Variants in LRTM1 observed in about 807,000 individuals in gnomAD.
LRTM1 encodes leucine rich repeat transmembrane protein 1.
In LRTM1, 38 loss-of-function variants were observed where a neutral mutation model predicts 32.4. The observed-to-expected ratio is 1.17, with a 90% CI of 0.91 to 1.54. LRTM1 has a LOEUF of 1.54. Among genes scored for constraint, LRTM1 ranks in the 40% most tolerant of loss-of-function variants. The pLI is 0.00. For synonymous variants in LRTM1, 186 were observed against 169.9 expected (o/e 1.09, Z -0.74); for missense variants, 466 against 415.4 (o/e 1.12, Z -1.06).
rs144214628 is a variant in LRTM1, at chr3:54,924,903, T to C, written c.320A>G (p.Gln107Arg). 26 of 1,613,488 alleles carry C rather than the reference T, an allele frequency of 1.6e-5. No homozygotes were observed. The African/African-American group carries it at 3.3e-4, about 21-fold the overall frequency. ...GCTTTCCAGGGAAAGGAGTGAATTC[T>C]GGGTTAGATTTAAAACCTGCAAGTG... Reference protein sequence around the residue: ...LQHLQVLNLTQNSLLSLESRL... With the variant: ...LQHLQVLNLTRNSLLSLESRL... Residue 107 changes from glutamine to arginine, a missense_variant, in exon 2 of 3, where the codon CAG (glutamine) becomes CGG (arginine). Transcript: ENST00000273286.
intron 1 of LRTM1, among the ~76,000 whole-genome samples, chr3:54,944,510 T>A (rs1701559772): frequency 1.3e-5 from 2 of 152,070 alleles, no homozygotes; most frequent in Admixed American, 1.3e-4. Flanking sequence ...AAGCTCTGCC[T>A]CCCGGGTTCA....
intron 1 of LRTM1, among the ~76,000 whole-genome samples, chr3:54,965,222 A>G (rs1209975240): frequency 2.1e-5 from 3 of 142,180 alleles, no homozygotes; most frequent in Non-Finnish European, 4.7e-5. Flanking sequence ...GGATTTCACC[A>G]TTGGACCAAT....
At chr3:54,958,629 CA>C (rs1385633735) in intron 1 of LRTM1, among the ~76,000 whole-genome samples, 1 of 152,100 alleles carries the variant, frequency 6.6e-6, no homozygotes, top group Non-Finnish European at 1.5e-5. Flanking sequence ...GAACTAATAG[CA>C]AAGTCATGAA....
chr3:54,964,874 A>G (rs1269439489), intron 1 of LRTM1, among the ~76,000 whole-genome samples: 1 of 152,022 alleles, frequency 6.6e-6, no homozygotes, highest in Non-Finnish European at 1.5e-5. Flanking sequence ...CGCTCAAGAA[A>G]TAATGAGCTC....
At chr3:54,934,087 T>C (rs1701271539) in intron 1 of LRTM1, among the ~76,000 whole-genome samples, 1 of 152,206 alleles carries the variant, frequency 6.6e-6, no homozygotes, top group Non-Finnish European at 1.5e-5. Flanking sequence ...TTACTATTAC[T>C]TTTGATACAA....
At chr3:54,938,788 A>G (rs905058537) in intron 1 of LRTM1, among the ~76,000 whole-genome samples, 1 of 152,206 alleles carries the variant, frequency 6.6e-6, no homozygotes, top group Non-Finnish European at 1.5e-5. Flanking sequence ...TGGTCTGTGC[A>G]TTTGCACAGG....
At chr3:54,923,168 C>T (rs1337813457) in intron 2 of LRTM1, among the ~76,000 whole-genome samples, 1 of 152,162 alleles carries the variant, frequency 6.6e-6, no homozygotes, top group Non-Finnish European at 1.5e-5. Context: ...GACTAAAACT[C>T]TTCAAGAGCT....
intron 1 of LRTM1, among the ~76,000 whole-genome samples, chr3:54,960,686 C>T (rs1302479720): frequency 6.6e-6 from 1 of 152,210 alleles, no homozygotes; most frequent in Non-Finnish European, 1.5e-5. Context: ...GTGCAGCTGC[C>T]TTCCCTTCCT....
chr3:54,918,556 G>A lies in LRTM1; in HGVS notation c.941C>T (p.Ala314Val), dbSNP rs200474589. Residue 314 changes from alanine (A) to valine (V), a missense_variant, in exon 3 of 3, where the codon GCG (alanine) becomes GTG (valine). By Grantham distance (64) the Ala-to-Val change is moderately conservative (BLOSUM62 0). Transcript: ENST00000273286. The stretch of plus-strand genomic sequence containing the variant: ...CCCATGGTACTGGGCTGTGATTGCC[G>A]CATAGGTGCAGCCATAGATGGCAGC... ...LAAAIYGCTY[A>V]AITAQYHGGP... The A allele has an allele frequency of 2.4e-5, 38 of 1,613,814 alleles. No homozygotes were observed. The highest frequency in any genetic ancestry group is 1.0e-4 in the Admixed American group (6 of 59,982).
intron 1 of LRTM1, among the ~76,000 whole-genome samples, chr3:54,953,934 C>A (rs1210241893): frequency 6.6e-6 from 1 of 152,156 alleles, no homozygotes; most frequent in Non-Finnish European, 1.5e-5. Flanking sequence ...TGTTTATGTT[C>A]TTGTGTCATG....
chr3:54,918,998 T>C (rs1180143331), intron 2 of LRTM1, 106 bp from the exon 3 acceptor site: 3 of 583,272 alleles, frequency 5.1e-6, no homozygotes, highest in Non-Finnish European at 6.6e-6. Flanking sequence ...GAAGTACCTT[T>C]TTTTTTTTTA....
upstream of LRTM1, among the ~76,000 whole-genome samples, chr3:54,930,894 C>T (rs1320454947): frequency 1.3e-5 from 2 of 152,048 alleles, no homozygotes; most frequent in Non-Finnish European, 2.9e-5. Context: ...GACAGGAGTT[C>T]GAGACCAGCC....
At chr3:54,923,362 G>A (rs1001359832) in intron 2 of LRTM1, among the ~76,000 whole-genome samples, 12 of 151,820 alleles carry the variant, frequency 7.9e-5, no homozygotes, top group Admixed American at 6.6e-4. Flanking sequence ...AGCCCTTTGC[G>A]TTCACTATTC....
intron 1 of LRTM1, among the ~76,000 whole-genome samples, chr3:54,938,944 G>T (rs1266618324): frequency 6.6e-6 from 1 of 152,112 alleles, no homozygotes; most frequent in Non-Finnish European, 1.5e-5. Flanking sequence ...TTGGCCTGCA[G>T]AAATGAAGTA....
In LRTM1 at chr3:54,939,516, C is replaced by T. The variant is rs545930398; in HGVS notation, c.-221-14301G>A. On this transcript the variant is annotated intron_variant, in intron 1 of 2. Transcript: ENST00000493075. ...CCATTTCTTCAGGGAGGCAGGGCCA[C>T]AGGGAAAAGAGGGCAGCCTGCTGTC... 9.8e-5 allele frequency among the ~76,000 whole-genome samples: 15 copies of T among 152,354 alleles called. No individual in the cohort carries two copies. In the South Asian group the frequency reaches 3.1e-3, roughly 32 times the overall value.
chr3:54,939,869 G>C (rs1701422284), intron 1 of LRTM1, among the ~76,000 whole-genome samples: 2 of 152,182 alleles, frequency 1.3e-5, no homozygotes, highest in African/African-American at 2.4e-5. Context: ...CGCTGGCCAT[G>C]CTTGCTTTAG....
At chr3:54,922,736 C>G (rs1175023364) in intron 2 of LRTM1, among the ~76,000 whole-genome samples, 1 of 152,072 alleles carries the variant, frequency 6.6e-6, no homozygotes, top group Non-Finnish European at 1.5e-5. Context: ...TCAACGACTC[C>G]CCATGGATAT....
At chr3:54,952,357 T>G (rs985960677) in intron 1 of LRTM1, among the ~76,000 whole-genome samples, 3 of 152,168 alleles carry the variant, frequency 2.0e-5, no homozygotes, top group African/African-American at 7.2e-5. Flanking sequence ...TTGTCTTATT[T>G]CTTCAGAGGG....
chr3:54,947,779 A>C (rs1223792560), intron 1 of LRTM1, among the ~76,000 whole-genome samples: 1 of 152,174 alleles, frequency 6.6e-6, no homozygotes, highest in African/African-American at 2.4e-5. Context: ...CCCTAAGGCA[A>C]CTAGAAGCTT....
Sources: allele counts gnomAD v4.1 joint callset (sites outside exome capture counted in the v4.1 genomes callset), GRCh38; gene constraint gnomAD v4.1.1; transcripts MANE v1.5; gene names NCBI Gene and HGNC (gene_info 2026-07-23, HGNC 2026-07-21).